Variants in LARGE1 observed in about 807,000 individuals in gnomAD.
LARGE1 encodes the protein xylosyl- and glucuronyltransferase LARGE1.
Under a neutral mutation model 87.6 loss-of-function variants are expected in LARGE1, and 43 were observed. The observed-to-expected ratio is 0.49, with a 90% CI of 0.38 to 0.63. The LOEUF is 0.63. LARGE1 is among the 30% of genes least tolerant of loss of function. The probability of loss-of-function intolerance (pLI) is 0.00; values close to 1 mark genes in which losing one functional copy is unlikely to be tolerated. For synonymous variants in LARGE1, 434 were observed against 394.6 expected (o/e 1.10, Z -1.18); for missense variants, 802 against 1,000.2 (o/e 0.80, Z 2.67).
chr22:33,304,094 T>C, intron 12 of LARGE1, 135 bp downstream of exon 12: 1 of 993,056 alleles, frequency 1.0e-6, no homozygotes, highest in Non-Finnish European at 1.5e-6. Context: ...TCCCTTCCCC[T>C]TTCTGGGTCT....
chr22:33,683,905 T>C lies in LARGE1; in HGVS notation c.107-33237A>G, dbSNP rs577098586. Among the ~76,000 whole-genome samples, 7 of 152,218 alleles carry C rather than the reference T, an allele frequency of 4.6e-5. No individual in the cohort carries two copies. The East Asian group carries it at 1.4e-3, about 30-fold the overall frequency. On this transcript the variant is annotated intron_variant, in intron 2 of 14. Coordinates refer to ENST00000397394, the MANE Select transcript of LARGE1 (RefSeq NM_133642.5). ...TACTAGAATGGAGCTGGGGGTTTAC[T>C]GTAGGTAAAGCGCCACCACAGTCTG...
chr22:33,854,328 T>G (rs2063696509), intron 1 of LARGE1, among the ~76,000 whole-genome samples: 1 of 151,908 alleles, frequency 6.6e-6, no homozygotes. Context: ...TGACTATTAA[T>G]TACTTCAGCA....
At chr22:33,170,761 T>G (rs547826017) in intron 11 of LARGE1, among the ~76,000 whole-genome samples, 17 of 152,150 alleles carry the variant, frequency 1.1e-4, no homozygotes, top group Non-Finnish European at 1.8e-4. Context: ...TTTATAACAG[T>G]GTGAGAATGG....
the LARGE1 span, among the ~76,000 whole-genome samples, chr22:33,152,052 T>C: frequency 1.3e-5 from 2 of 152,196 alleles, no homozygotes; most frequent in South Asian, 4.1e-4. Flanking sequence ...AGTGCAATCA[T>C]CTTGGCCTGG....
At chr22:33,903,162 G>T (rs893702261) in intron 1 of LARGE1, among the ~76,000 whole-genome samples, 5 of 152,124 alleles carry the variant, frequency 3.3e-5, no homozygotes, top group African/African-American at 1.2e-4. Context: ...AAGTTAAAAT[G>T]AGGTCATTAG....
chr22:33,448,050 T>G (rs2067759603), intron 6 of LARGE1, among the ~76,000 whole-genome samples: 1 of 151,306 alleles, frequency 6.6e-6, no homozygotes, highest in African/African-American at 2.4e-5. Flanking sequence ...AATAGCCAAA[T>G]TCACGGAGAC....
At chr22:33,462,342 A>C (rs1009230638) in intron 6 of LARGE1, among the ~76,000 whole-genome samples, 2 of 152,210 alleles carry the variant, frequency 1.3e-5, no homozygotes, top group African/African-American at 4.8e-5. Flanking sequence ...AATAAAAAAC[A>C]GATGCTACTA....
At chr22:33,838,587 G>A (rs1271653577) in intron 1 of LARGE1, among the ~76,000 whole-genome samples, 2 of 152,164 alleles carry the variant, frequency 1.3e-5, no homozygotes, top group Non-Finnish European at 2.9e-5. Flanking sequence ...TGCAGTGTGA[G>A]CTATGATTGT....
intron 5 of LARGE1, among the ~76,000 whole-genome samples, chr22:33,602,575 C>G (rs2079140198): frequency 6.6e-6 from 1 of 152,090 alleles, no homozygotes; most frequent in African/African-American, 2.4e-5. Context: ...CACTATGTTT[C>G]CCAGGCTGGT....
chr22:33,816,681 TAGATAGATAGAC>T (rs1569457175), intron 1 of LARGE1, among the ~76,000 whole-genome samples: 1 of 129,622 alleles, frequency 7.7e-6, no homozygotes, highest in African/African-American at 3.2e-5. Flanking sequence ...GATGGATAGA[TAGATAGATAGAC>T]AGACAGACAG....
intron 4 of LARGE1, among the ~76,000 whole-genome samples, chr22:33,608,778 C>T (rs1373894013): frequency 6.6e-6 from 1 of 152,198 alleles, no homozygotes; most frequent in African/African-American, 2.4e-5. Flanking sequence ...GCTTGGCATC[C>T]CGGCTGCAGT....
intron 11 of LARGE1, among the ~76,000 whole-genome samples, chr22:33,169,215 T>C (rs879838501): frequency 6.6e-6 from 1 of 152,212 alleles, no homozygotes; most frequent in Non-Finnish European, 1.5e-5. Flanking sequence ...TAATTGATGA[T>C]ATATATTGTC....
chr22:33,123,302 G>C, the LARGE1 span, among the ~76,000 whole-genome samples: 1 of 152,074 alleles, frequency 6.6e-6, no homozygotes, highest in African/African-American at 2.4e-5. Context: ...ATAACATAAA[G>C]AGCCATTTCT....
intron 1 of LARGE1, among the ~76,000 whole-genome samples, chr22:33,911,817 C>A (rs1200085627): frequency 6.8e-6 from 1 of 147,402 alleles, no homozygotes; most frequent in East Asian, 1.9e-4. Context: ...ATTCATTCTG[C>A]TGATCTGAAA....
At chr22:33,323,866 T>C (rs1412463185) in intron 10 of LARGE1, among the ~76,000 whole-genome samples, 1 of 152,152 alleles carries the variant, frequency 6.6e-6, no homozygotes, top group Non-Finnish European at 1.5e-5. Context: ...CTTTTCAAAT[T>C]CTAATTTAGG....
chr22:33,584,361 A>T (rs184010910), intron 5 of LARGE1, among the ~76,000 whole-genome samples: 1 of 152,284 alleles, frequency 6.6e-6, no homozygotes, highest in East Asian at 1.9e-4. Context: ...GACTCCTGGA[A>T]ATCACAGTGG....
At chr22:33,415,855 G>A (rs1388366674) in intron 7 of LARGE1, among the ~76,000 whole-genome samples, 5 of 152,172 alleles carry the variant, frequency 3.3e-5, no homozygotes, top group African/African-American at 1.2e-4. Flanking sequence ...CTGAGGGCCA[G>A]GCGGGAAACT....
chr22:33,563,290 C>T (rs1205398950), intron 6 of LARGE1: 1 of 152,256 alleles, frequency 6.6e-6, no homozygotes. Context: ...CAATTAGGAG[C>T]TCCTCCGTGA....
the LARGE1 span, among the ~76,000 whole-genome samples, chr22:33,092,499 A>G: frequency 1.3e-5 from 2 of 151,970 alleles, no homozygotes; most frequent in Admixed American, 1.3e-4. Flanking sequence ...CATGTGCAGG[A>G]TGTGCATGTT....
Sources: allele counts gnomAD v4.1 joint callset (sites outside exome capture counted in the v4.1 genomes callset), GRCh38; gene constraint gnomAD v4.1.1; transcripts MANE v1.5; gene names NCBI Gene and HGNC (gene_info 2026-07-23, HGNC 2026-07-21).